Variants in ULK2 observed in about 807,000 individuals in gnomAD.
The protein encoded by ULK2 is unc-51 like autophagy activating kinase 2.
ULK2 carries 76 observed loss-of-function variants against 127.5 expected under a neutral mutation model. That is an observed-to-expected ratio of 0.60 (90% CI 0.50 to 0.72). ULK2 has a LOEUF of 0.72. ULK2 is among the 30% of genes least tolerant of loss of function. ULK2 has a pLI of 0.00. For synonymous variants in ULK2, 452 were observed against 461.9 expected (o/e 0.98, Z 0.28); for missense variants, 1,144 against 1,295.9 (o/e 0.88, Z 1.80).
chr17:19,809,105 G>A (rs1217355739), intron 14 of ULK2, among the ~76,000 whole-genome samples: 2 of 152,120 alleles, frequency 1.3e-5, no homozygotes, highest in East Asian at 1.9e-4. Flanking sequence ...AAGGGAAAAA[G>A]CCTGTCACAT....
At chr17:19,777,798 G>A in intron 25 of ULK2, 82 bp from the exon 26 acceptor site, 1 of 1,485,634 alleles carries the variant, frequency 6.7e-7, no homozygotes, top group Non-Finnish European at 9.0e-7. Context: ...GCTTTAAATG[G>A]AATCCACCTA....
chr17:19,782,023 C>A lies in ULK2; in HGVS notation c.2505G>T (p.Met835Ile). The A allele has an allele frequency of 6.2e-7, 1 of 1,614,212 alleles. No individual in the cohort carries two copies. Among genetic ancestry groups the A allele is most frequent in the Non-Finnish European group, 8.5e-7 (1 of 1,180,028 alleles). ...DTLRHLNVML[M>I]FTECVLDLTA... ...TCAGGTCCAGCACACACTCAGTGAA[C>A]ATCAGCATCACATTCAGATGGCGTA... Residue 835 changes from methionine (M) to isoleucine (I), a missense_variant, in exon 23 of 27, where the codon ATG becomes ATT. This residue lies in a region of ULK2 where 913 missense variants were observed against 970.5 expected (regional missense o/e 0.94). Coordinates refer to ENST00000395544, the MANE Select transcript of ULK2 (RefSeq NM_014683.4).
chr17:19,805,088 C>T (rs1250968044), intron 14 of ULK2, among the ~76,000 whole-genome samples: 2 of 150,888 alleles, frequency 1.3e-5, no homozygotes, highest in African/African-American at 2.5e-5. Context: ...TTTACAACAA[C>T]AGGAAAAGTC....
chr17:19,814,453 T>TGTTGTTGTTG (rs1470871851), intron 13 of ULK2, among the ~76,000 whole-genome samples: 49 of 64,446 alleles, frequency 7.6e-4, no homozygotes, highest in African/African-American at 2.9e-3. Flanking sequence ...TTTTTTTTTT[T>TGTTGTTGTTG]TTTTTTTTTT....
At chr17:19,781,134 A>T (rs1438348424) in intron 23 of ULK2, 30 bp from the exon 24 acceptor site, 1 of 1,602,396 alleles carries the variant, frequency 6.2e-7, no homozygotes, top group Non-Finnish European at 8.5e-7. Flanking sequence ...GCAGAGGGTT[A>T]TCTTGTGAAC....
rs755344461 is a variant in ULK2 at position 19,776,363 on chromosome 17, T to C, written c.3097A>G (p.Thr1033Ala). 3 of 1,606,212 alleles carry C rather than the reference T, an allele frequency of 1.9e-6. No homozygotes were observed. Among genetic ancestry groups the C allele is most frequent in the Non-Finnish European group, 2.5e-6 (3 of 1,176,566 alleles). Reference protein sequence around the residue: ...ERRLSALCHSTATV With the variant: ...ERRLSALCHSAATV ...GAGCCTGCTGCTCACACGGTTGCGGTGCTATGGCAGAGCGCCGACAGTCTT... is the reference window on the plus strand; with the variant it reads ...GAGCCTGCTGCTCACACGGTTGCGGCGCTATGGCAGAGCGCCGACAGTCTT... Residue 1033 changes from threonine to alanine, a missense_variant, in exon 27 of 27, where the codon ACC becomes GCC. Physicochemically the swap from Thr to Ala is moderately conservative, Grantham distance 58. Around this residue, in one of 2 missense-constraint regions of ULK2, gnomAD observed 913 missense variants for 970.5 expected, o/e 0.94. Coordinates refer to ENST00000395544, the MANE Select transcript of ULK2 (RefSeq NM_014683.4).
chr17:19,819,851 T>G (rs926771846), intron 12 of ULK2, among the ~76,000 whole-genome samples: 2 of 152,132 alleles, frequency 1.3e-5, no homozygotes, highest in Admixed American at 6.6e-5. Flanking sequence ...CTCAAAACAG[T>G]AATGACGACA....
chr17:19,804,471 A>C (rs2087469381), intron 15 of ULK2, among the ~76,000 whole-genome samples: 1 of 151,830 alleles, frequency 6.6e-6, no homozygotes, highest in South Asian at 2.1e-4. Context: ...TAACATATAT[A>C]AAATATATAC....
intron 23 of ULK2, 139 bp downstream of exon 23, chr17:19,781,750 T>A: frequency 1.0e-6 from 1 of 975,728 alleles, no homozygotes; most frequent in South Asian, 1.8e-5. Context: ...TATAGTGAAA[T>A]GTAGTACAAA....
chr17:19,792,944 C>G (rs2087188056), intron 20 of ULK2, among the ~76,000 whole-genome samples: 1 of 152,136 alleles, frequency 6.6e-6, no homozygotes, highest in Non-Finnish European at 1.5e-5. Flanking sequence ...ACATATAGAT[C>G]AGTGAAATAG....
chr17:19,827,510 T>C (rs189857110), intron 10 of ULK2, among the ~76,000 whole-genome samples: 4 of 152,364 alleles, frequency 2.6e-5, no homozygotes, highest in Admixed American at 2.6e-4. Context: ...AACACTTTTT[T>C]CCCTAAAAAC....
intron 15 of ULK2, among the ~76,000 whole-genome samples, chr17:19,802,687 C>A (rs73980707): frequency 6.6e-6 from 1 of 152,094 alleles, no homozygotes; most frequent in Non-Finnish European, 1.5e-5. Flanking sequence ...AACTGTGACA[C>A]GTTTCTTTGA....
intron 25 of ULK2, among the ~76,000 whole-genome samples, chr17:19,779,707 GTTTTAC>G (rs1381330429): frequency 6.6e-6 from 1 of 151,896 alleles, no homozygotes; most frequent in Non-Finnish European, 1.5e-5. Flanking sequence ...GGAAAAGAAG[GTTTTAC>G]TTTGTGTCTA....
At chr17:19,849,222 T>C in intron 5 of ULK2, 147 bp downstream of exon 5, 2 of 698,986 alleles carry the variant, frequency 2.9e-6, no homozygotes, top group Non-Finnish European at 4.7e-6. Context: ...GTCTGCAAAG[T>C]GACCACAAGT....
In ULK2 at chr17:19,864,859, G is replaced by C; in HGVS notation, c.184-15C>G. On this transcript the variant is annotated splice_polypyrimidine_tract_variant and intron_variant, in intron 2 of 26. Coordinates refer to ENST00000395544, the MANE Select transcript of ULK2 (RefSeq NM_014683.4). ...TGCTGAAGTTCCTATTAAGAAAATTGAGAATGAAAAATATGTAAGTATTCT... is the reference window on the plus strand; with the variant it reads ...TGCTGAAGTTCCTATTAAGAAAATTCAGAATGAAAAATATGTAAGTATTCT... 7.9e-7 allele frequency: 1 copy of C among 1,257,914 alleles called. No homozygotes were observed. Among genetic ancestry groups the C allele is most frequent in the Non-Finnish European group, 1.1e-6 (1 of 947,242 alleles). The allele number at this position is 1,257,914 out of a possible 1,614,324, so 77.9% of individuals were successfully genotyped here.
intron 6 of ULK2, among the ~76,000 whole-genome samples, chr17:19,846,034 G>A (rs1312919479): frequency 1.3e-5 from 2 of 152,224 alleles, no homozygotes; most frequent in Non-Finnish European, 2.9e-5. Flanking sequence ...GCTGAGGCAG[G>A]AGAATCTCTT....
At chr17:19,808,615 G>T (rs2087563353) in intron 14 of ULK2, among the ~76,000 whole-genome samples, 1 of 152,248 alleles carries the variant, frequency 6.6e-6, no homozygotes, top group Non-Finnish European at 1.5e-5. Flanking sequence ...AATGGGCAAA[G>T]ATCTTGACTG....
intron 3 of ULK2, among the ~76,000 whole-genome samples, chr17:19,863,080 G>A (rs2042276297): frequency 6.6e-6 from 1 of 152,056 alleles, no homozygotes. Flanking sequence ...TGGACTTGGT[G>A]GCAGGCGCCT....
intron 16 of ULK2, among the ~76,000 whole-genome samples, chr17:19,800,476 A>G (rs1201569729): frequency 6.6e-6 from 1 of 152,176 alleles, no homozygotes; most frequent in Non-Finnish European, 1.5e-5. Flanking sequence ...ATCTTTGGAG[A>G]CCTTGAAGTA....
Sources: gnomAD v4.1 joint callset for allele counts (sites outside exome capture counted in the v4.1 genomes callset) on GRCh38, gnomAD v4.1.1 for gene constraint, gnomAD v4.1.1 regional missense constraint, MANE v1.5 for transcripts, NCBI Gene and HGNC (gene_info 2026-07-23, HGNC 2026-07-21) for gene names.